PTPRG: variants seen among roughly 807,000 people sequenced by gnomAD.
PTPRG encodes the protein receptor-type tyrosine-protein phosphatase gamma.
A neutral mutation model predicts 165.3 loss-of-function variants in PTPRG; 102 were observed. That is an observed-to-expected ratio of 0.62 (90% CI 0.53 to 0.73). The LOEUF is 0.73. Ranked by LOEUF, PTPRG falls within the 30% of genes least tolerant of loss-of-function variation. The probability of loss-of-function intolerance (pLI) is 0.00; values close to 1 mark genes in which losing one functional copy is unlikely to be tolerated. For synonymous variants in PTPRG, 675 were observed against 669.5 expected (o/e 1.01, Z -0.13); for missense variants, 1,866 against 1,861.4 (o/e 1.00, Z -0.05).
At chr3:61,743,391 T>A (rs931036202) in intron 1 of PTPRG, among the ~76,000 whole-genome samples, 1 of 152,194 alleles carries the variant, frequency 6.6e-6, no homozygotes, top group Non-Finnish European at 1.5e-5. Flanking sequence ...GACTCAGATT[T>A]TCCTGTATGA....
intron 2 of PTPRG, among the ~76,000 whole-genome samples, chr3:61,956,188 G>T (rs899338452): frequency 6.6e-6 from 1 of 151,940 alleles, no homozygotes; most frequent in Non-Finnish European, 1.5e-5. Context: ...AGGACCATGA[G>T]AATTTATTTT....
chr3:62,174,434 G>A (rs1705337687), intron 8 of PTPRG, among the ~76,000 whole-genome samples: 1 of 152,194 alleles, frequency 6.6e-6, no homozygotes, highest in Non-Finnish European at 1.5e-5. Context: ...TTTTTGGTGA[G>A]TGTTTTTTGC....
Position 62,237,663 on chromosome 3 carries a change from T to G in PTPRG, c.2376-6144T>G, listed in dbSNP as rs1701063812. ...GCATGGAAGGTTATTTTTAGAAATT[T>G]CAGTCCAAGAGAAAATATTCCTAAT... On this transcript the variant is annotated intron_variant, in intron 14 of 29. Transcript: ENST00000474889. The surrounding 1 kb of genome is among the most constrained non-coding windows in gnomAD (Gnocchi z 4.5). Among the ~76,000 whole-genome samples, 1 of 152,220 alleles carries G rather than the reference T, an allele frequency of 6.6e-6. No individual in the cohort carries two copies. Among genetic ancestry groups the G allele is most frequent in the South Asian group, 2.1e-4 (1 of 4,830 alleles).
At chr3:61,868,205 C>G (rs2037463467) in intron 2 of PTPRG, among the ~76,000 whole-genome samples, 2 of 152,194 alleles carry the variant, frequency 1.3e-5, no homozygotes, top group Non-Finnish European at 2.9e-5. Context: ...GTCATCCTCA[C>G]AACAGCTCTA....
At chr3:62,075,877 A>G (rs1386651321) in intron 4 of PTPRG, among the ~76,000 whole-genome samples, 1 of 152,132 alleles carries the variant, frequency 6.6e-6, no homozygotes, top group African/African-American at 2.4e-5. Context: ...TATATAGAAG[A>G]TACTGTTTTC....
intron 1 of PTPRG, among the ~76,000 whole-genome samples, chr3:61,595,754 T>C (rs1280237399): frequency 1.3e-5 from 2 of 152,218 alleles, no homozygotes; most frequent in African/African-American, 4.8e-5. Context: ...AGGTAACTGA[T>C]TCATATAGTA....
chr3:61,891,951 G>A (rs559330971), intron 2 of PTPRG, among the ~76,000 whole-genome samples: 1 of 151,088 alleles, frequency 6.6e-6, no homozygotes, highest in African/African-American at 2.4e-5. Context: ...TGCATTTTCA[G>A]TAAATAAATT....
At chr3:61,894,003 A>C (rs2038283710) in intron 2 of PTPRG, among the ~76,000 whole-genome samples, 3 of 152,232 alleles carry the variant, frequency 2.0e-5, no homozygotes, top group Middle Eastern at 6.8e-3. Context: ...CAGAGAAAGC[A>C]GCTGGCACTA....
intron 8 of PTPRG, among the ~76,000 whole-genome samples, chr3:62,183,354 A>G (rs1376612327): frequency 6.6e-6 from 1 of 152,172 alleles, no homozygotes; most frequent in Admixed American, 6.5e-5. Flanking sequence ...ACTTGAGGTC[A>G]GGAGTTCGAG....
intron 2 of PTPRG, among the ~76,000 whole-genome samples, chr3:61,930,713 G>T (rs1305235402): frequency 1.3e-5 from 2 of 152,154 alleles, no homozygotes; most frequent in Non-Finnish European, 2.9e-5. Flanking sequence ...TATAGTTAGA[G>T]AAATAATATA....
At chr3:62,260,692 C>G (rs1334795002) in intron 16 of PTPRG, among the ~76,000 whole-genome samples, 1 of 152,060 alleles carries the variant, frequency 6.6e-6, no homozygotes. Flanking sequence ...GTTTTTAACA[C>G]ACTAAAATCC....
chr3:62,085,642 A>C (rs1355596548), intron 5 of PTPRG, among the ~76,000 whole-genome samples: 9 of 151,924 alleles, frequency 5.9e-5, no homozygotes. Context: ...TGTGTGTTTT[A>C]GTTCATCTGT....
intron 2 of PTPRG, among the ~76,000 whole-genome samples, chr3:61,974,010 A>T (rs2040443468): frequency 6.6e-6 from 1 of 152,116 alleles, no homozygotes; most frequent in Non-Finnish European, 1.5e-5. Flanking sequence ...ATATTTAAAC[A>T]GGTAGTTGAA....
In PTPRG at chr3:61,690,063, C is replaced by T. The variant is rs111230699; in HGVS notation, c.86-58815C>T. Among the ~76,000 whole-genome samples, 1,146 of 152,332 alleles carry T rather than the reference C, an allele frequency of 7.5e-3. 8 individuals carry two copies. Among genetic ancestry groups the T allele is most frequent in the African/African-American group, 0.022 (908 of 41,570 alleles). ...TCATTGTTTTTCCCATGCTATTCTTCAGCTTCCTTTTTCTTTGGACACTGT... is the reference window on the plus strand; with the variant it reads ...TCATTGTTTTTCCCATGCTATTCTTTAGCTTCCTTTTTCTTTGGACACTGT... On this transcript the variant is annotated intron_variant, in intron 1 of 29. Coordinates refer to ENST00000474889, the MANE Select transcript of PTPRG (RefSeq NM_002841.4).
intron 1 of PTPRG, among the ~76,000 whole-genome samples, chr3:61,700,773 C>G (rs2030909241): frequency 6.6e-6 from 1 of 152,134 alleles, no homozygotes; most frequent in African/African-American, 2.4e-5. Flanking sequence ...CTATTTTTTT[C>G]ACACTCATGT....
chr3:62,231,595 T>C (rs1233930590), intron 14 of PTPRG, among the ~76,000 whole-genome samples: 1 of 152,072 alleles, frequency 6.6e-6, no homozygotes, highest in Non-Finnish European at 1.5e-5. Context: ...GTGCTCTATG[T>C]TTGTGTGTCT....
In PTPRG at chr3:62,228,567, G is replaced by A. The variant is rs1700820454; in HGVS notation, c.2289-2658G>A. ...AAAAAGAAAAAGGACAAGTGCTCCA[G>A]GCAGAGGTCGCTGTGTAGGAGATGA... On this transcript the variant is annotated intron_variant, in intron 13 of 29. Transcript: ENST00000474889. This position sits in a 1 kb window ranked among gnomAD's most constrained non-coding sequence, Gnocchi z 4.1. Among the ~76,000 whole-genome samples the A allele has an allele frequency of 6.6e-6, 1 of 151,900 alleles. No individual in the cohort carries two copies. Among genetic ancestry groups the A allele is most frequent in the Admixed American group, 6.6e-5 (1 of 15,248 alleles).
intron 5 of PTPRG, among the ~76,000 whole-genome samples, chr3:62,103,986 A>T (rs1034121964): frequency 2.6e-5 from 4 of 152,250 alleles, no homozygotes; most frequent in African/African-American, 7.2e-5. Flanking sequence ...AAATAAAAGC[A>T]CAGTCAAAAC....
chr3:61,672,054 G>A (rs1703021749), intron 1 of PTPRG, among the ~76,000 whole-genome samples: 1 of 141,808 alleles, frequency 7.1e-6, no homozygotes, highest in African/African-American at 2.7e-5. Context: ...GGGGCGGCTG[G>A]GCAGAGACGC....
Sources: allele counts gnomAD v4.1 joint callset (sites outside exome capture counted in the v4.1 genomes callset), GRCh38; gene constraint gnomAD v4.1.1; non-coding constraint Gnocchi (gnomAD v3.1); transcripts MANE v1.5; gene names NCBI Gene and HGNC (gene_info 2026-07-23, HGNC 2026-07-21).